Variants in PUSL1 observed in about 807,000 individuals in gnomAD.
The protein encoded by PUSL1 is pseudouridine synthase like 1, also known as tRNA pseudouridine synthase-like 1.
Under a neutral mutation model 30.7 loss-of-function variants are expected in PUSL1, and 51 were observed. The observed-to-expected ratio is 1.66, with a 90% CI of 1.33 to 2.10. The LOEUF (loss-of-function observed/expected upper bound fraction) is 2.10. PUSL1 is among the 30% of genes most tolerant of loss of function. The pLI is 0.00. For missense variants in PUSL1, 609 were observed against 427.6 expected (o/e 1.42, Z -3.74); for synonymous variants, 290 against 192.1 (o/e 1.51, Z -4.21).
Position 1,309,480 on chromosome 1 carries a change from G to A in PUSL1, c.350G>A (p.Ser117Asn), listed in dbSNP as rs1375393313. Reference protein sequence around the residue: ...IRVLRAFRVPSDFHARHAATS... With the variant: ...IRVLRAFRVPNDFHARHAATS... Reference sequence around the variant, plus strand: ...GTCCTGCGGGCCTTCCGAGTGCCCAGCGACTTCCACGCTCGTCACGCAGCC... The same window carrying A: ...GTCCTGCGGGCCTTCCGAGTGCCCAACGACTTCCACGCTCGTCACGCAGCC... Residue 117 changes from serine (S) to asparagine (N), a missense_variant, in exon 4 of 8, where the codon AGC (serine) becomes AAC (asparagine). Coordinates refer to ENST00000379031, the MANE Select transcript of PUSL1 (RefSeq NM_153339.3). 6.2e-7 allele frequency: 1 copy of A among 1,606,948 alleles called. No individual in the cohort carries two copies. Among genetic ancestry groups the A allele is most frequent in the Non-Finnish European group, 8.5e-7 (1 of 1,177,252 alleles).
chr1:1,310,155 G>A lies in PUSL1; in HGVS notation c.644+304G>A, dbSNP rs139041635. 0.012 allele frequency: 5,264 copies of A among 436,628 alleles called. 46 individuals are homozygous for A. Among genetic ancestry groups the A allele is most frequent in the Middle Eastern group, 0.02 (35 of 1,716 alleles). 27.0% of individuals were successfully genotyped at this position (436,628 alleles called of 1,614,324 possible). A position where few individuals can be genotyped will look rare whatever the true frequency, so the allele number is the denominator to read the frequency against. The stretch of plus-strand genomic sequence containing the variant: ...TGGTGCCAGTGGTTCTGGTGGGGTG[G>A]TTTCTGCTGCCCCCAGCACTGTCCC... On this transcript the variant is annotated intron_variant, in intron 5 of 7. Coordinates refer to ENST00000379031, the MANE Select transcript of PUSL1 (RefSeq NM_153339.3).
Position 1,308,712 on chromosome 1 carries a change from C to T in PUSL1, c.69C>T (p.Thr23=), listed in dbSNP as rs537537346. ...TTGTGTACTTCCAGTACGTGGGCAC[C>T]GACTTTAAGTAGGTTTCCCAGGCGC... ...RYLVYFQYVG[T]DFNGVAAVRG... is the part of the protein sequence containing the mutation. Residue 23 remains threonine (T), a synonymous_variant, in exon 1 of 8, where the codon ACC becomes ACT. Coordinates refer to ENST00000379031, the MANE Select transcript of PUSL1 (RefSeq NM_153339.3). 2 of 1,555,598 alleles carry T rather than the reference C, an allele frequency of 1.3e-6. No homozygotes were observed. The highest frequency in any genetic ancestry group is 1.7e-6 in the Non-Finnish European group (2 of 1,153,916).
At position 1,308,672 on chromosome 1, in the gene PUSL1, TGC is replaced by T. The variant is rs748012075; in HGVS notation, c.38_39del (p.Arg13LeufsTer13). 9.1e-6 allele frequency: 14 copies of T among 1,540,510 alleles called. No individual in the cohort carries two copies. The highest frequency in any genetic ancestry group is 5.5e-5 in the East Asian group (2 of 36,442). On this transcript the variant is annotated frameshift_variant, in exon 1 of 8. Transcript: ENST00000379031. LOFTEE classifies it high-confidence loss of function. The stretch of plus-strand genomic sequence containing the variant: ...AGTTCGGCGCCGGCCTCAGGCTCCG[TGC>T]GCGCGCGCTATCTTGTGTACTTCCA...
chr1:1,310,033 C>T (rs910795662), intron 5 of PUSL1, 182 bp downstream of exon 5: 20 of 556,758 alleles, frequency 3.6e-5, no homozygotes, highest in South Asian at 7.2e-5. Flanking sequence ...GCCCTCCCCC[C>T]AGGCTGGGGA....
chr1:1,310,301 G>A (rs1416361061), intron 5 of PUSL1: 2 of 388,750 alleles, frequency 5.1e-6, no homozygotes, highest in East Asian at 4.5e-5. Context: ...GTACAGGACT[G>A]GGGGTCTCTG....
In PUSL1 at chr1:1,309,077, G is replaced by A. The variant is rs1257501612; in HGVS notation, c.136-9G>A. The A allele has an allele frequency of 2.7e-6, 4 of 1,471,022 alleles. No individual in the cohort carries two copies. The highest frequency in any genetic ancestry group is 1.5e-5 in the African/African-American group (1 of 68,110). The allele number at this position is 1,471,022 out of a possible 1,614,324, so 91.1% of individuals were successfully genotyped here. A position where few individuals can be genotyped will look rare whatever the true frequency, so the allele number is the denominator to read the frequency against. ...GCTCACCCGCCCGCCCCGCGGCTCG[G>A]TCCTGCAGGAGGCCGCCGAGCGGCT... On this transcript the variant is annotated splice_polypyrimidine_tract_variant and intron_variant, in intron 2 of 7. Transcript: ENST00000379031.
At chr1:1,311,295 G>T in intron 7 of PUSL1, 35 bp from the exon 8 acceptor site, 1 of 1,518,590 alleles carries the variant, frequency 6.6e-7, no homozygotes. Context: ...GGCCGGTCTT[G>T]CCCCAGGCTG....
Position 1,309,829 on chromosome 1 carries a change from T to G in PUSL1, c.622T>G (p.Leu208Val). 1 of 1,542,026 alleles carries G rather than the reference T, an allele frequency of 6.5e-7. No individual in the cohort carries two copies. Among genetic ancestry groups the G allele is most frequent in the Non-Finnish European group, 8.8e-7 (1 of 1,141,156 alleles). Residue 208 changes from leucine to valine, a missense_variant, in exon 5 of 8, where the codon TTG (leucine) becomes GTG (valine). By Grantham distance (32) the Leu-to-Val change is conservative. Transcript: ENST00000379031. ...VSVSPGQASP[L>V]VTPEESRKLR... ...CGTTTCCCCAGGCCAAGCCAGCCCCTTGGTCACCCCCGAGGAGAGCAGGTG... is the reference window on the plus strand; with the variant it reads ...CGTTTCCCCAGGCCAAGCCAGCCCCGTGGTCACCCCCGAGGAGAGCAGGTG...
chr1:1,308,992 G>A lies in PUSL1; in HGVS notation c.135+20G>A. ...CTGGAGGTGCGCTCAGCCGGTCACG[G>A]GACGCCCGGTGAGGGGTAAGGGGGA... On this transcript the variant is annotated intron_variant, in intron 2 of 7. Transcript: ENST00000379031. 2.1e-6 allele frequency: 3 copies of A among 1,400,494 alleles called. No individual in the cohort carries two copies. Among genetic ancestry groups the A allele is most frequent in the Non-Finnish European group, 2.8e-6 (3 of 1,081,874 alleles). The allele number at this position is 1,400,494 out of a possible 1,614,324, so 86.8% of individuals were successfully genotyped here.
chr1:1,311,412 C>T lies in PUSL1; in HGVS notation c.*33C>T, dbSNP rs1282028834. ...CACTCAAGCCAAAGTTAGGCCACAC[C>T]AGGCCCAACCCTGTGCTGGTCAAGC... is the stretch of plus-strand genomic sequence containing the variant. On this transcript the variant is annotated 3_prime_UTR_variant, in exon 8 of 8. Transcript: ENST00000379031. 1.3e-6 allele frequency: 2 copies of T among 1,588,300 alleles called. No homozygotes were observed. Among genetic ancestry groups the T allele is most frequent in the Non-Finnish European group, 1.7e-6 (2 of 1,167,602 alleles).
At chr1:1,309,987 G>A (rs1038048364) in intron 5 of PUSL1, 136 bp downstream of exon 5, 7 of 699,924 alleles carry the variant, frequency 1.0e-5, no homozygotes, top group Non-Finnish European at 1.6e-5. Flanking sequence ...GACAGCTGGA[G>A]GGGATTCGCC....
Position 1,311,419 on chromosome 1 carries a change from A to C in PUSL1, c.*40A>C, listed in dbSNP as rs1485409777. Reference sequence around the variant, plus strand: ...GCCAAAGTTAGGCCACACCAGGCCCAACCCTGTGCTGGTCAAGCCAGGGCA... The same window carrying C: ...GCCAAAGTTAGGCCACACCAGGCCCCACCCTGTGCTGGTCAAGCCAGGGCA... On this transcript the variant is annotated 3_prime_UTR_variant, in exon 8 of 8. Transcript: ENST00000379031. The C allele has an allele frequency of 6.3e-7, 1 of 1,581,946 alleles. No individual in the cohort carries two copies. The highest frequency in any genetic ancestry group is 1.8e-5 in the Admixed American group (1 of 56,090).
chr1:1,308,733 G>C lies in PUSL1; in HGVS notation c.77+13G>C, dbSNP rs943077804. Reference sequence around the variant, plus strand: ...GCACCGACTTTAAGTAGGTTTCCCAGGCGCAGCGGCGGGCGCCACGTGGGC... The same window carrying C: ...GCACCGACTTTAAGTAGGTTTCCCACGCGCAGCGGCGGGCGCCACGTGGGC... On this transcript the variant is annotated intron_variant, in intron 1 of 7. Coordinates refer to ENST00000379031, the MANE Select transcript of PUSL1 (RefSeq NM_153339.3). 7 of 1,534,830 alleles carry C rather than the reference G, an allele frequency of 4.6e-6. No homozygotes were observed. The highest frequency in any genetic ancestry group is 2.9e-5 in the African/African-American group (2 of 70,016).
At chr1:1,310,420 C>T in intron 5 of PUSL1, 2 of 573,192 alleles carry the variant, frequency 3.5e-6, no homozygotes, top group Admixed American at 3.1e-5. Flanking sequence ...CAGGGTCCTG[C>T]TGCCTCCTTG....
chr1:1,310,021 G>A (rs1326512109), intron 5 of PUSL1, 170 bp downstream of exon 5: 2 of 557,230 alleles, frequency 3.6e-6, no homozygotes, highest in Non-Finnish European at 6.3e-6. Context: ...GCCTCCAGCT[G>A]TGCCCTCCCC....
At position 1,311,082 on chromosome 1, in the gene PUSL1, C is replaced by G. The variant is rs1285192099; in HGVS notation, c.862+11C>G. On this transcript the variant is annotated intron_variant, in intron 7 of 7. Coordinates refer to ENST00000379031, the MANE Select transcript of PUSL1 (RefSeq NM_153339.3). ...TGTACGGGAACCTCGGTAAGAAAAACAGGCACGAGAAGCTCCTGTCATGTG... is the reference window on the plus strand; with the variant it reads ...TGTACGGGAACCTCGGTAAGAAAAAGAGGCACGAGAAGCTCCTGTCATGTG... 2 of 1,590,536 alleles carry G rather than the reference C, an allele frequency of 1.3e-6. No homozygotes were observed. The highest frequency in any genetic ancestry group is 2.7e-5 in the African/African-American group (2 of 74,424).
chr1:1,310,870 C>T (rs1642099887), intron 6 of PUSL1, 39 bp from the exon 7 acceptor site: 3 of 1,518,654 alleles, frequency 2.0e-6, no homozygotes, highest in Non-Finnish European at 9.1e-7. Context: ...GCTGGTGGGT[C>T]ACGGGCGGCT....
At chr1:1,308,817 T>C in intron 1 of PUSL1, 97 bp downstream of exon 1, 2 of 1,441,130 alleles carry the variant, frequency 1.4e-6, no homozygotes, top group Non-Finnish European at 1.8e-6. Context: ...GGACGCGGGT[T>C]CCAAACGTTC....
chr1:1,311,357 C>A lies in PUSL1; in HGVS notation c.890C>A (p.Pro297Gln). The A allele has an allele frequency of 3.1e-6, 5 of 1,595,202 alleles. No homozygotes were observed. Among genetic ancestry groups the A allele is most frequent in the Non-Finnish European group, 4.3e-6 (5 of 1,169,084 alleles). The change falls in exon 8 of 8, where the codon CCA becomes CAA. Residue 297 changes from proline to glutamine, a missense_variant. By Grantham distance (76) the Pro-to-Gln change is moderately conservative. Transcript: ENST00000379031. ...LGAASCTLQG[P>Q]QFGSHG is the part of the protein sequence containing the mutation. ...GCTGCCTCCTGCACCCTGCAGGGGC[C>A]ACAGTTCGGGAGCCACGGATGACCC...
Sources: allele counts gnomAD v4.1 joint callset, GRCh38; gene constraint gnomAD v4.1.1; transcripts MANE v1.5; gene names NCBI Gene and HGNC (gene_info 2026-07-23, HGNC 2026-07-21).